CDH9: variants seen among roughly 807,000 people sequenced by gnomAD.
CDH9 encodes the protein cadherin-9.
A neutral mutation model predicts 70.9 loss-of-function variants in CDH9; 28 were observed. That is an observed-to-expected ratio of 0.40 (90% confidence interval 0.29 to 0.54). The LOEUF (loss-of-function observed/expected upper bound fraction) is 0.54, where lower values mean the gene tolerates loss of function less well. CDH9 is among the 20% of genes least tolerant of loss of function. The pLI, the probability that CDH9 is intolerant of heterozygous loss-of-function variation, is 0.59. For missense variants in CDH9, 874 were observed against 984.4 expected, an observed-to-expected ratio of 0.89 and a Z score of 1.50; for synonymous variants, 409 against 343.1, an observed-to-expected ratio of 1.19 and a Z score of -2.12.
intron 1 of CDH9, among the ~76,000 whole-genome samples, chr5:27,038,010 C>T (rs1215482165): frequency 5.9e-5 from 9 of 151,648 alleles, no homozygotes; most frequent in Non-Finnish European, 7.4e-5. Flanking sequence ...AATAAAGATG[C>T]CCTTATTTTT....
At chr5:26,960,776 A>C (rs1742020170) in intron 2 of CDH9, among the ~76,000 whole-genome samples, 1 of 146,650 alleles carries the variant, frequency 6.8e-6, no homozygotes, top group South Asian at 2.3e-4. Flanking sequence ...TAAATTAGGT[A>C]AAAGTTTTCA....
At chr5:27,013,652 C>T (rs956086132) in intron 1 of CDH9, among the ~76,000 whole-genome samples, 3 of 151,876 alleles carry the variant, frequency 2.0e-5, no homozygotes, top group Non-Finnish European at 4.4e-5. Flanking sequence ...AGACAAGAAT[C>T]CACCTCTACA....
intron 3 of CDH9, among the ~76,000 whole-genome samples, chr5:26,913,293 T>C (rs576731809): frequency 2.0e-5 from 3 of 152,230 alleles, no homozygotes; most frequent in Non-Finnish European, 2.9e-5. Flanking sequence ...TAATATATTA[T>C]ACATTTATAT....
At chr5:26,915,564 T>A in intron 3 of CDH9, 66 bp downstream of exon 3, 1 of 915,710 alleles carries the variant, frequency 1.1e-6, no homozygotes, top group Non-Finnish European at 1.7e-6. Context: ...TAACCACAAG[T>A]CAATAATAAT....
chr5:26,943,506 C>T (rs1256891009), intron 2 of CDH9, among the ~76,000 whole-genome samples: 1 of 85,538 alleles, frequency 1.2e-5, no homozygotes, highest in Admixed American at 1.6e-4. Context: ...GAGTGAGACT[C>T]CATCTCAAAA....
At chr5:26,901,527 A>C (rs573183833) in intron 7 of CDH9, among the ~76,000 whole-genome samples, 1 of 152,086 alleles carries the variant, frequency 6.6e-6, no homozygotes, top group African/African-American at 2.4e-5. Flanking sequence ...TATTGTGATT[A>C]TTAATATGCT....
chr5:27,002,949 T>G (rs1742797412), intron 1 of CDH9, among the ~76,000 whole-genome samples: 1 of 151,786 alleles, frequency 6.6e-6, no homozygotes, highest in East Asian at 1.9e-4. Context: ...AATAAATAAG[T>G]AAAATAAAAA....
At chr5:27,031,119 A>C (rs1743303985) in intron 1 of CDH9, among the ~76,000 whole-genome samples, 1 of 151,732 alleles carries the variant, frequency 6.6e-6, no homozygotes, top group Admixed American at 6.6e-5. Flanking sequence ...TAAGCCAAAA[A>C]CTGAGAAAGA....
At chr5:26,932,293 T>A (rs1015079642) in intron 2 of CDH9, among the ~76,000 whole-genome samples, 8 of 151,984 alleles carry the variant, frequency 5.3e-5, no homozygotes, top group Admixed American at 3.3e-4. Flanking sequence ...CAAAAAATTA[T>A]TTTTTTACAA....
At chr5:27,015,396 T>C (rs1269517439) in intron 1 of CDH9, among the ~76,000 whole-genome samples, 1 of 151,828 alleles carries the variant, frequency 6.6e-6, no homozygotes, top group African/African-American at 2.4e-5. Context: ...ATTACTTTTA[T>C]TTCTTGTGCA....
At chr5:26,957,394 G>A (rs970627687) in intron 2 of CDH9, among the ~76,000 whole-genome samples, 2 of 152,122 alleles carry the variant, frequency 1.3e-5, no homozygotes, top group Middle Eastern at 3.2e-3. Flanking sequence ...GGGCCTGGTG[G>A]CTCACATCTG....
At chr5:27,030,965 T>C (rs1410192176) in intron 1 of CDH9, among the ~76,000 whole-genome samples, 2 of 151,912 alleles carry the variant, frequency 1.3e-5, no homozygotes, top group Non-Finnish European at 2.9e-5. Flanking sequence ...AAATATCTTC[T>C]GTAATCCTAA....
At chr5:26,923,430 A>G (rs1341142804) in intron 2 of CDH9, among the ~76,000 whole-genome samples, 1 of 152,032 alleles carries the variant, frequency 6.6e-6, no homozygotes, top group African/African-American at 2.4e-5. Flanking sequence ...CAAAGCAAAC[A>G]TTATTAGAGC....
intron 1 of CDH9, among the ~76,000 whole-genome samples, chr5:26,998,943 T>C (rs912951078): frequency 6.6e-6 from 1 of 152,086 alleles, no homozygotes; most frequent in Non-Finnish European, 1.5e-5. Flanking sequence ...TATGCATCTA[T>C]GTCTTTTAAA....
chr5:26,904,194 G>A (rs1174170012), intron 5 of CDH9, among the ~76,000 whole-genome samples: 2 of 151,178 alleles, frequency 1.3e-5, no homozygotes, highest in African/African-American at 4.9e-5. Flanking sequence ...TTTTTAACAT[G>A]TATTCAATTA....
intron 7 of CDH9, 64 bp downstream of exon 7, chr5:26,902,412 C>T: frequency 9.0e-7 from 1 of 1,112,970 alleles, no homozygotes; most frequent in South Asian, 1.5e-5. Flanking sequence ...TTTTTTCACA[C>T]AGTTTGTAAA....
intron 7 of CDH9, among the ~76,000 whole-genome samples, chr5:26,894,504 TC>T (rs1245669015): frequency 2.0e-5 from 3 of 152,078 alleles, no homozygotes; most frequent in Admixed American, 1.3e-4. Flanking sequence ...CAGAAATAGC[TC>T]ACTTTTAACT....
At chr5:26,987,182 A>G in intron 2 of CDH9, among the ~76,000 whole-genome samples, 1 of 148,686 alleles carries the variant, frequency 6.7e-6, no homozygotes, top group Non-Finnish European at 1.5e-5. Flanking sequence ...AAACCATTAC[A>G]GTCTCTCCAA....
intron 2 of CDH9, among the ~76,000 whole-genome samples, chr5:26,970,994 C>T (rs16896431): frequency 0.017 from 2,512 of 152,196 alleles, 65 homozygotes; most frequent in African/African-American, 0.057. Flanking sequence ...GCAGTAAAAA[C>T]ATTAGAAATG....
Sources: allele counts gnomAD v4.1 joint callset (sites outside exome capture counted in the v4.1 genomes callset), GRCh38; gene constraint gnomAD v4.1.1; transcripts MANE v1.5; gene names NCBI Gene and HGNC (gene_info 2026-07-23, HGNC 2026-07-21).